Variants in ACYP2 observed in about 807,000 individuals in gnomAD.
The protein encoded by ACYP2 is acylphosphatase 2.
A neutral mutation model predicts 11.2 loss-of-function variants in ACYP2; 12 were observed. That is an observed-to-expected ratio of 1.08 (90% CI 0.69 to 1.74). ACYP2 has a LOEUF of 1.74. ACYP2 is among the 40% of genes most tolerant of loss of function. The probability of loss-of-function intolerance (pLI) is 0.00; values close to 1 mark genes in which losing one functional copy is unlikely to be tolerated. For missense variants in ACYP2, 134 were observed against 101.9 expected (o/e 1.31, Z -1.35); for synonymous variants, 43 against 32.2 (o/e 1.33, Z -1.13).
intron 2 of ACYP2, among the ~76,000 whole-genome samples, chr2:53,980,069 A>G (rs1671675843): frequency 6.6e-6 from 1 of 152,148 alleles, no homozygotes; most frequent in South Asian, 2.1e-4. Context: ...ATAGCTGGGC[A>G]CCATGGCTCA....
intron 2 of ACYP2, among the ~76,000 whole-genome samples, chr2:54,028,518 A>G (rs74490978): frequency 0.014 from 2,096 of 152,320 alleles, 44 homozygotes; most frequent in African/African-American, 0.046. Flanking sequence ...CAGACCCACC[A>G]AAGAAGAAAA....
rs1415931467 is a variant in ACYP2, at chr2:54,266,578, ATATC to A, written c.405-38100_405-38097del. Among the ~76,000 whole-genome samples the A allele has an allele frequency of 2.2e-4, 29 of 133,312 alleles. No individual in the cohort carries two copies. The East Asian group carries it at 2.4e-3, about 11-fold the overall frequency. 87.5% of individuals were successfully genotyped at this position (133,312 alleles called of 152,430 possible). A position where few individuals can be genotyped will look rare whatever the true frequency, so the allele number is the denominator to read the frequency against. ...AAGATAGATAGATAGATAGATATAG[ATATC>A]TATCTATCTTTTTTTTTTTTTTTTT... On this transcript the variant is annotated intron_variant, in intron 6 of 6. Coordinates refer to ENST00000607452, the MANE Select transcript of ACYP2 (RefSeq NM_001320586.2).
At chr2:54,200,164 C>T (rs888535433) in intron 6 of ACYP2, among the ~76,000 whole-genome samples, 3 of 152,142 alleles carry the variant, frequency 2.0e-5, no homozygotes, top group African/African-American at 4.8e-5. Flanking sequence ...TTTGGTATCT[C>T]TCAATTGCTA....
chr2:54,214,956 G>A (rs1685496702), intron 6 of ACYP2, among the ~76,000 whole-genome samples: 1 of 152,106 alleles, frequency 6.6e-6, no homozygotes, highest in African/African-American at 2.4e-5. Flanking sequence ...TTGTTGTAGA[G>A]ATCTTTCACC....
At chr2:54,289,237 C>T (rs1689203667) in intron 6 of ACYP2, among the ~76,000 whole-genome samples, 1 of 151,920 alleles carries the variant, frequency 6.6e-6, no homozygotes, top group African/African-American at 2.4e-5. Flanking sequence ...TACTTTGTCA[C>T]CTCCCACTAG....
intron 6 of ACYP2, among the ~76,000 whole-genome samples, chr2:54,156,137 C>T (rs544352988): frequency 1.4e-4 from 21 of 152,114 alleles, no homozygotes; most frequent in Non-Finnish European, 2.9e-4. Context: ...GAAAATTCTA[C>T]ATATGTCTGT....
intron 2 of ACYP2, among the ~76,000 whole-genome samples, chr2:53,977,263 T>A (rs1020752170): frequency 6.6e-6 from 1 of 151,896 alleles, no homozygotes; most frequent in Admixed American, 6.6e-5. Context: ...GCCAGGATGG[T>A]CTCCATCTCC....
intron 4 of ACYP2, 86 bp from the exon 1 acceptor site, chr2:54,115,529 C>G: frequency 6.7e-7 from 1 of 1,493,076 alleles, no homozygotes; most frequent in Non-Finnish European, 8.9e-7. Context: ...CCAGGCCCCG[C>G]AGTCTCATTT....
chr2:54,126,418 G>A (rs1376344685), intron 4 of ACYP2, among the ~76,000 whole-genome samples: 1 of 152,014 alleles, frequency 6.6e-6, no homozygotes, highest in South Asian at 2.1e-4. Context: ...AAATTGTGAC[G>A]GATCACCACT....
At chr2:54,201,347 C>T (rs1413068313) in intron 6 of ACYP2, among the ~76,000 whole-genome samples, 2 of 152,104 alleles carry the variant, frequency 1.3e-5, no homozygotes, top group Non-Finnish European at 2.9e-5. Flanking sequence ...CCTCGTGATC[C>T]ACCTACCTTG....
At chr2:54,203,751 T>C (rs1684952426) in intron 6 of ACYP2, among the ~76,000 whole-genome samples, 1 of 152,190 alleles carries the variant, frequency 6.6e-6, no homozygotes, top group Admixed American at 6.5e-5. Context: ...ATATGGTATA[T>C]TACCTTGATT....
At chr2:54,173,748 T>A (rs980436455) in intron 6 of ACYP2, among the ~76,000 whole-genome samples, 4 of 152,238 alleles carry the variant, frequency 2.6e-5, no homozygotes, top group Non-Finnish European at 5.9e-5. Flanking sequence ...GTTTCAGCTT[T>A]CTACATATGG....
chr2:54,221,316 G>A (rs1245939827), intron 6 of ACYP2, among the ~76,000 whole-genome samples: 6 of 152,162 alleles, frequency 3.9e-5, no homozygotes, highest in East Asian at 1.9e-4. Flanking sequence ...GATTGTTGTC[G>A]CAATAGCTGA....
chr2:54,173,727 G>A lies in ACYP2; in HGVS notation c.404+34979G>A, dbSNP rs1214798389. On this transcript the variant is annotated intron_variant, in intron 6 of 6. Coordinates refer to ENST00000607452, the MANE Select transcript of ACYP2 (RefSeq NM_001320586.2). ...AATTAATTTTTGTATAAGGTGTAAG[G>A]AAGGGATCCAGTTTCAGCTTTCTAC... Among the ~76,000 whole-genome samples the A allele has an allele frequency of 3.3e-5, 5 of 152,262 alleles. No individual in the cohort carries two copies. In the South Asian group the frequency reaches 6.2e-4, roughly 19 times the overall value.
intron 4 of ACYP2, among the ~76,000 whole-genome samples, chr2:54,096,285 C>T (rs867883201): frequency 1.2e-5 from 1 of 84,340 alleles, no homozygotes; most frequent in Non-Finnish European, 2.4e-5. Context: ...GGTGGCCGGG[C>T]AGAGACGCTC....
intron 6 of ACYP2, chr2:54,253,576 G>A (rs1263462399): frequency 3.3e-5 from 5 of 152,056 alleles, no homozygotes; most frequent in Admixed American, 6.6e-5. Flanking sequence ...ATTCTTCTAC[G>A]TGCATACTAA....
intron 2 of ACYP2, among the ~76,000 whole-genome samples, chr2:54,048,059 T>G (rs1348153250): frequency 6.6e-6 from 1 of 152,222 alleles, no homozygotes; most frequent in Non-Finnish European, 1.5e-5. Context: ...ATTTAAGTCA[T>G]TAGAATCTGA....
At chr2:54,209,047 G>A (rs1348591600) in intron 6 of ACYP2, among the ~76,000 whole-genome samples, 1 of 147,834 alleles carries the variant, frequency 6.8e-6, no homozygotes, top group South Asian at 2.1e-4. Context: ...TATTTCATCA[G>A]TTCTTAAGAA....
intron 2 of ACYP2, among the ~76,000 whole-genome samples, chr2:53,985,974 A>G (rs1221476650): frequency 6.6e-6 from 1 of 152,016 alleles, no homozygotes; most frequent in Non-Finnish European, 1.5e-5. Context: ...CATCTCTAGT[A>G]AAATACAAAA....
Sources: allele counts gnomAD v4.1 joint callset (sites outside exome capture counted in the v4.1 genomes callset), GRCh38; gene constraint gnomAD v4.1.1; transcripts MANE v1.5; gene names NCBI Gene and HGNC (gene_info 2026-07-23, HGNC 2026-07-21).